The following NCKAP5 variants were observed in gnomAD, a reference collection of about 807,000 sequenced individuals.
The protein encoded by NCKAP5 is nck-associated protein 5.
A neutral mutation model predicts 167.0 loss-of-function variants in NCKAP5; 92 were observed. The ratio of observed to expected loss-of-function variants is 0.55; its 90% confidence interval spans 0.47 to 0.66. The LOEUF (loss-of-function observed/expected upper bound fraction) is 0.66, where lower values mean the gene tolerates loss of function less well. Ranked by LOEUF, NCKAP5 falls within the 30% of genes least tolerant of loss-of-function variation. The pLI is 0.00. For synonymous variants in NCKAP5, 891 were observed against 877.4 expected (o/e 1.02, Z -0.27); for missense variants, 2,378 against 2,315.0 (o/e 1.03, Z -0.56).
chr2:133,331,926 A>C (rs1296384163), intron 3 of NCKAP5, among the ~76,000 whole-genome samples: 1 of 152,228 alleles, frequency 6.6e-6, no homozygotes, highest in Non-Finnish European at 1.5e-5. Context: ...ATGGGTTTCC[A>C]GCTGGTGGGA....
At chr2:132,865,108 C>A (rs16842749) in intron 10 of NCKAP5, among the ~76,000 whole-genome samples, 5,597 of 152,116 alleles carry the variant, frequency 0.037, 274 homozygotes, top group East Asian at 0.13. Context: ...TATCTCTGCC[C>A]CAAATGCTAA....
At chr2:132,839,422 C>T (rs183218979) in intron 11 of NCKAP5, among the ~76,000 whole-genome samples, 4 of 152,234 alleles carry the variant, frequency 2.6e-5, no homozygotes, top group African/African-American at 7.2e-5. Context: ...GTACCGTTGA[C>T]TCTTGGTGTC....
chr2:133,314,654 CTCT>C (rs1681474098), intron 3 of NCKAP5, among the ~76,000 whole-genome samples: 1 of 152,228 alleles, frequency 6.6e-6, no homozygotes, highest in Non-Finnish European at 1.5e-5. Flanking sequence ...TGTTCAGGCA[CTCT>C]TCAAGGTCTG....
chr2:133,240,628 T>C (rs1401353201), intron 4 of NCKAP5, among the ~76,000 whole-genome samples: 1 of 152,214 alleles, frequency 6.6e-6, no homozygotes, highest in African/African-American at 2.4e-5. Flanking sequence ...TGTGTACGTA[T>C]AACTTGGGTA....
intron 3 of NCKAP5, among the ~76,000 whole-genome samples, chr2:133,416,380 A>C (rs1689108826): frequency 6.6e-6 from 1 of 152,194 alleles, no homozygotes; most frequent in South Asian, 2.1e-4. Context: ...TCATTTATCA[A>C]TGTATAGGGA....
intron 6 of NCKAP5, among the ~76,000 whole-genome samples, chr2:133,054,258 G>A (rs940913564): frequency 6.6e-6 from 1 of 152,134 alleles, no homozygotes; most frequent in African/African-American, 2.4e-5. Context: ...TAAAGTATTA[G>A]CAATATGATG....
chr2:133,163,816 T>C (rs951049318), intron 5 of NCKAP5, among the ~76,000 whole-genome samples: 17 of 152,300 alleles, frequency 1.1e-4, no homozygotes, highest in South Asian at 2.1e-4. Context: ...CTAGGTCAAG[T>C]AGTAATTGTA....
Position 133,126,403 on chromosome 2 carries a change from T to A in NCKAP5, c.341+3575A>T, listed in dbSNP as rs137928462. Among the ~76,000 whole-genome samples the A allele has an allele frequency of 7.9e-5, 12 of 152,328 alleles. No homozygotes were observed. In the East Asian group the frequency reaches 2.1e-3, roughly 27 times the overall value. ...ACATGTATATATCTGGAGATTCCCA[T>A]GAATCTGAAGTAGAATGGTTGCCCT... On this transcript the variant is annotated intron_variant, in intron 6 of 19. Coordinates refer to ENST00000409261, the MANE Select transcript of NCKAP5 (RefSeq NM_207363.3).
Position 132,808,970 on chromosome 2 carries a change from T to C in NCKAP5, c.808-12241A>G, listed in dbSNP as rs1176925075. ...CCAGAGGTTTTGATAGATTGTGTCA[T>C]TATTGTCATTCTGTTCAAAGAATTT... On this transcript the variant is annotated intron_variant, in intron 11 of 19. Transcript: ENST00000409261. 2.6e-5 allele frequency among the ~76,000 whole-genome samples: 4 copies of C among 152,224 alleles called. No individual in the cohort carries two copies. The East Asian group carries it at 7.7e-4, about 29-fold the overall frequency.
chr2:133,298,244 T>C (rs534718455), intron 4 of NCKAP5, among the ~76,000 whole-genome samples: 3 of 152,352 alleles, frequency 2.0e-5, no homozygotes, highest in East Asian at 3.9e-4. Flanking sequence ...TCTGCTATTA[T>C]TGGAGTTCAT....
At chr2:133,002,976 G>A (rs2077839031) in intron 6 of NCKAP5, among the ~76,000 whole-genome samples, 1 of 152,344 alleles carries the variant, frequency 6.6e-6, no homozygotes, top group Admixed American at 6.5e-5. Context: ...TTCACATGCA[G>A]CTAAGATGCA....
At chr2:132,898,818 T>C (rs1280606281) in intron 8 of NCKAP5, among the ~76,000 whole-genome samples, 1 of 152,206 alleles carries the variant, frequency 6.6e-6, no homozygotes, top group Non-Finnish European at 1.5e-5. Flanking sequence ...TGTAAACACA[T>C]ATGTTGTCAC....
At chr2:132,980,149 C>T (rs1002631850) in intron 7 of NCKAP5, among the ~76,000 whole-genome samples, 4 of 151,754 alleles carry the variant, frequency 2.6e-5, no homozygotes, top group Non-Finnish European at 5.9e-5. Flanking sequence ...ACCACTATAC[C>T]CAGCTAATTT....
chr2:133,037,988 AC>A (rs2079091543), intron 6 of NCKAP5, among the ~76,000 whole-genome samples: 1 of 152,186 alleles, frequency 6.6e-6, no homozygotes, highest in Non-Finnish European at 1.5e-5. Flanking sequence ...GAGGATGTCA[AC>A]AAAAGAGAAC....
At chr2:132,817,126 G>A (rs546094984) in intron 11 of NCKAP5, among the ~76,000 whole-genome samples, 2 of 152,320 alleles carry the variant, frequency 1.3e-5, no homozygotes, top group South Asian at 4.1e-4. Context: ...TGGCACCAAA[G>A]TACCATGTAG....
At chr2:133,544,378 A>G (rs189425102) in intron 2 of NCKAP5, among the ~76,000 whole-genome samples, 7 of 152,330 alleles carry the variant, frequency 4.6e-5, no homozygotes, top group Admixed American at 4.6e-4. Context: ...TTATGTAGAA[A>G]CCTACATGGA....
intron 3 of NCKAP5, among the ~76,000 whole-genome samples, chr2:133,412,568 A>G (rs1253049662): frequency 6.6e-6 from 1 of 152,142 alleles, no homozygotes; most frequent in Non-Finnish European, 1.5e-5. Context: ...GCCATTCACT[A>G]TTGACCAGGA....
the NCKAP5 span, among the ~76,000 whole-genome samples, chr2:133,655,969 C>T: frequency 1.3e-5 from 2 of 152,154 alleles, no homozygotes; most frequent in Non-Finnish European, 2.9e-5. Flanking sequence ...TTATGTCATT[C>T]CCAGGGGATC....
chr2:133,208,927 G>T (rs2086083178), intron 5 of NCKAP5, among the ~76,000 whole-genome samples: 1 of 152,152 alleles, frequency 6.6e-6, no homozygotes, highest in African/African-American at 2.4e-5. Context: ...AGGTTGATAT[G>T]AGCATTTGTA....
Sources: allele counts gnomAD v4.1 joint callset (sites outside exome capture counted in the v4.1 genomes callset), GRCh38; gene constraint gnomAD v4.1.1; transcripts MANE v1.5; gene names NCBI Gene and HGNC (gene_info 2026-07-23, HGNC 2026-07-21).